The following HACD3 variants were observed in gnomAD, a reference collection of about 807,000 sequenced individuals.
HACD3 encodes 3-hydroxyacyl-CoA dehydratase 3.
HACD3 carries 30 observed loss-of-function variants against 55.2 expected under a neutral mutation model. The observed-to-expected ratio is 0.54, with a 90% CI of 0.41 to 0.74. HACD3 has a LOEUF of 0.74. Ranked by LOEUF, HACD3 falls within the 30% of genes least tolerant of loss-of-function variation. The pLI, the probability that HACD3 is intolerant of heterozygous loss-of-function variation, is 0.00. For synonymous variants in HACD3, 141 were observed against 151.7 expected, an observed-to-expected ratio of 0.93 and a Z score of 0.52; for missense variants, 363 against 440.1, an observed-to-expected ratio of 0.82 and a Z score of 1.57.
chr15:65,562,563 T>C (rs1596215399), intron 5 of HACD3, among the ~76,000 whole-genome samples: 1 of 152,144 alleles, frequency 6.6e-6, no homozygotes, highest in Non-Finnish European at 1.5e-5. Context: ...GAAGTCCTGC[T>C]GAAAATACAT....
At chr15:65,538,816 C>T (rs1322923063) in intron 1 of HACD3, among the ~76,000 whole-genome samples, 2 of 152,210 alleles carry the variant, frequency 1.3e-5, no homozygotes, top group Non-Finnish European at 2.9e-5. Context: ...GCAGTCACCA[C>T]CTGGATCAGT....
chr15:65,562,699 C>T, intron 5 of HACD3, 75 bp from the exon 6 acceptor site: 1 of 1,541,042 alleles, frequency 6.5e-7, no homozygotes, highest in Non-Finnish European at 8.8e-7. Flanking sequence ...TGAAGTCATC[C>T]AGATATGCCT....
intron 1 of HACD3, among the ~76,000 whole-genome samples, chr15:65,540,060 CT>C (rs1567331322): frequency 6.6e-6 from 1 of 151,982 alleles, no homozygotes; most frequent in East Asian, 1.9e-4. Context: ...TGTTTTATTT[CT>C]TTTTTTAAAA....
chr15:65,571,366 A>G (rs1365222123), intron 8 of HACD3, among the ~76,000 whole-genome samples, 182 bp from the exon 9 acceptor site: 1 of 152,194 alleles, frequency 6.6e-6, no homozygotes, highest in Non-Finnish European at 1.5e-5. Flanking sequence ...GAGCGTTCAG[A>G]TCCTTTGAAA....
intron 5 of HACD3, among the ~76,000 whole-genome samples, chr15:65,561,041 T>C (rs2072239737): frequency 1.3e-5 from 2 of 152,238 alleles, no homozygotes; most frequent in Admixed American, 1.3e-4. Flanking sequence ...ATTCAGTTAA[T>C]GCTTGGTTGA....
rs561888744 is a variant in HACD3, at chr15:65,557,435, A to G, written c.369+532A>G. Among the ~76,000 whole-genome samples the G allele has an allele frequency of 4.6e-5, 7 of 151,884 alleles. No homozygotes were observed. In the South Asian group the frequency reaches 1.5e-3, roughly 32 times the overall value. ...GCTTGCCGTGAGCCGAGATCACGCC[A>G]CTGCACTCCAGCCTGGGCAACAGAG... On this transcript the variant is annotated intron_variant, in intron 4 of 10. Coordinates refer to ENST00000261875, the MANE Select transcript of HACD3 (RefSeq NM_016395.4).
Position 65,571,583 on chromosome 15 carries a change from A to T in HACD3, c.809A>T (p.Asp270Val). 6.2e-7 allele frequency: 1 copy of T among 1,613,840 alleles called. No individual in the cohort carries two copies. The highest frequency in any genetic ancestry group is 8.5e-7 in the Non-Finnish European group (1 of 1,179,768). ...SFYMLTCIDM[D>V]WKVLTWLRYT... ...TACATGCTGACGTGCATTGACATGG[A>T]TTGGAAGGTGCTCACATGGCTTCGT... Residue 270 changes from aspartate to valine, a missense_variant, in exon 9 of 11, where the codon GAT (aspartate) becomes GTT (valine). Transcript: ENST00000261875.
At chr15:65,539,994 G>T (rs796738570) in intron 1 of HACD3, among the ~76,000 whole-genome samples, 1 of 152,136 alleles carries the variant, frequency 6.6e-6, no homozygotes, top group Non-Finnish European at 1.5e-5. Flanking sequence ...GCGAAGTTGG[G>T]GCATGTTTGA....
rs746044196 is a variant in HACD3, at chr15:65,572,187, ATGTGAC to A, written c.881-44_881-39del. ...TAGGACTGGAAGTTCCTGTCATTAA[ATGTGAC>A]TGTTTCATTTGCTTCTAACAAGTTC... is the stretch of plus-strand genomic sequence containing the variant. On this transcript the variant is annotated intron_variant, in intron 9 of 10. Coordinates refer to ENST00000261875, the MANE Select transcript of HACD3 (RefSeq NM_016395.4). The A allele has an allele frequency of 3.7e-6, 6 of 1,603,964 alleles. 1 individual carries two copies. The South Asian group carries it at 6.8e-5, about 18-fold the overall frequency.
intron 7 of HACD3, 55 bp downstream of exon 7, chr15:65,564,397 GT>G: frequency 1.3e-6 from 2 of 1,578,774 alleles, no homozygotes; most frequent in Admixed American, 1.8e-5. Flanking sequence ...TATTTGTCTA[GT>G]GGGTATGTGT....
chr15:65,572,536 T>C (rs1157940427), intron 10 of HACD3, among the ~76,000 whole-genome samples, 170 bp downstream of exon 10: 3 of 152,196 alleles, frequency 2.0e-5, no homozygotes, highest in Non-Finnish European at 2.9e-5. Context: ...TAAGGAAATA[T>C]TTCTTTTCTA....
chr15:65,540,802 C>T (rs912971999), intron 1 of HACD3, among the ~76,000 whole-genome samples: 17 of 152,102 alleles, frequency 1.1e-4, no homozygotes, highest in Admixed American at 6.6e-5. Flanking sequence ...ATTATTCTGG[C>T]TGCTATGTGG....
At chr15:65,533,832 A>G (rs1180203342) in intron 1 of HACD3, among the ~76,000 whole-genome samples, 1 of 151,606 alleles carries the variant, frequency 6.6e-6, no homozygotes, top group Non-Finnish European at 1.5e-5. Context: ...CGGGCGGATC[A>G]TGAGGTCAGG....
intron 1 of HACD3, 79 bp downstream of exon 1, chr15:65,530,797 C>T (rs964807409): frequency 1.1e-5 from 15 of 1,339,408 alleles, no homozygotes; most frequent in South Asian, 9.8e-5. Context: ...CCCCTTTGTC[C>T]GCGTGCGCGC....
chr15:65,552,677 C>CT (rs1255765471), intron 2 of HACD3, among the ~76,000 whole-genome samples: 7 of 148,420 alleles, frequency 4.7e-5, no homozygotes, highest in Admixed American at 6.7e-5. Context: ...AAATATTTTT[C>CT]TTTTTTTTTT....
rs529130209 is a variant in HACD3, at chr15:65,552,667, A to T, written c.130+949A>T. ...TTTTGTTTTTGTTTTTGTTTTTTTT[A>T]AATATTTTTCTTTTTTTTTTAAATT... On this transcript the variant is annotated intron_variant, in intron 2 of 10. Coordinates refer to ENST00000261875, the MANE Select transcript of HACD3 (RefSeq NM_016395.4). Among the ~76,000 whole-genome samples the T allele has an allele frequency of 8.4e-3, 1,260 of 150,680 alleles. 15 individuals are homozygous for T. The highest frequency in any genetic ancestry group is 0.027 in the African/African-American group (1,099 of 41,072).
At chr15:65,551,889 A>G in intron 2 of HACD3, 171 bp downstream of exon 2, 1 of 644,800 alleles carries the variant, frequency 1.6e-6, no homozygotes, top group East Asian at 2.9e-5. Flanking sequence ...AGAAAAGTCA[A>G]AGAATTGGTT....
chr15:65,554,766 C>T, intron 2 of HACD3, 121 bp from the exon 3 acceptor site: 1 of 651,758 alleles, frequency 1.5e-6, no homozygotes, highest in South Asian at 1.7e-5. Flanking sequence ...CAGAGCAAGA[C>T]TCTGTCTCAA....
chr15:65,555,974 C>G (rs1370519379), intron 3 of HACD3, among the ~76,000 whole-genome samples: 1 of 152,088 alleles, frequency 6.6e-6, no homozygotes, highest in Non-Finnish European at 1.5e-5. Flanking sequence ...TAACCAGGAA[C>G]TATTTGCCTT....
Sources: allele counts gnomAD v4.1 joint callset (sites outside exome capture counted in the v4.1 genomes callset), GRCh38; gene constraint gnomAD v4.1.1; transcripts MANE v1.5; gene names NCBI Gene and HGNC (gene_info 2026-07-23, HGNC 2026-07-21).